Variants in SBF2 observed in about 807,000 individuals in gnomAD.
SBF2 encodes the protein myotubularin-related protein 13.
A neutral mutation model predicts 225.2 loss-of-function variants in SBF2; 112 were observed. That is an observed-to-expected ratio of 0.50 (90% CI 0.43 to 0.58). The LOEUF (loss-of-function observed/expected upper bound fraction) is 0.58, where lower values mean the gene tolerates loss of function less well. SBF2 is among the 20% of genes least tolerant of loss of function. The pLI, the probability that SBF2 is intolerant of heterozygous loss-of-function variation, is 0.00. For synonymous variants in SBF2, 763 were observed against 773.3 expected (o/e 0.99, Z 0.22); for missense variants, 1,996 against 2,206.2 (o/e 0.90, Z 1.91).
intron 2 of SBF2, among the ~76,000 whole-genome samples, chr11:10,048,824 G>A (rs1949964903): frequency 6.6e-6 from 1 of 152,118 alleles, no homozygotes; most frequent in Admixed American, 6.5e-5. Context: ...AATGACCAGT[G>A]CATGATATTA....
At chr11:9,798,712 C>T (rs61876892) in intron 32 of SBF2, among the ~76,000 whole-genome samples, 22,009 of 152,066 alleles carry the variant, frequency 0.14, 2,112 homozygotes, top group Non-Finnish European at 0.21. Context: ...TTTGGGAGGC[C>T]GAGGCGGGTG....
intron 16 of SBF2, among the ~76,000 whole-genome samples, chr11:9,909,669 CAA>C (rs10595029): frequency 0.36 from 43,861 of 123,284 alleles, 7,624 homozygotes; most frequent in African/African-American, 0.53. Context: ...GACTCTGTCT[CAA>C]AAAAAAAAAA....
At chr11:10,122,160 ATCT>A (rs1292951281) in intron 2 of SBF2, among the ~76,000 whole-genome samples, 1 of 152,204 alleles carries the variant, frequency 6.6e-6, no homozygotes, top group Non-Finnish European at 1.5e-5. Flanking sequence ...GTAGGAATAA[ATCT>A]TCTACCCATG....
At chr11:9,969,726 A>G (rs1392677272) in intron 13 of SBF2, among the ~76,000 whole-genome samples, 2 of 152,194 alleles carry the variant, frequency 1.3e-5, no homozygotes, top group African/African-American at 4.8e-5. Flanking sequence ...TATCCCTGTT[A>G]TATTTTTCTC....
At chr11:10,136,780 C>G (rs934318805) in intron 2 of SBF2, among the ~76,000 whole-genome samples, 1 of 152,210 alleles carries the variant, frequency 6.6e-6, no homozygotes, top group African/African-American at 2.4e-5. Flanking sequence ...AACACCCATG[C>G]ATTTGATATA....
chr11:10,219,285 C>T (rs922335444), intron 1 of SBF2, among the ~76,000 whole-genome samples: 9 of 152,240 alleles, frequency 5.9e-5, no homozygotes, highest in African/African-American at 2.2e-4. Context: ...AGGCTTGAGG[C>T]TTGCACCCTC....
intron 14 of SBF2, 143 bp downstream of exon 14, chr11:9,968,198 G>T: frequency 1.4e-6 from 1 of 737,328 alleles, no homozygotes; most frequent in Non-Finnish European, 2.3e-6. Context: ...GAATGAAACA[G>T]TTTCTGAGTA....
intron 1 of SBF2, among the ~76,000 whole-genome samples, chr11:10,262,321 T>C (rs181362458): frequency 5.9e-5 from 9 of 152,338 alleles, no homozygotes; most frequent in African/African-American, 1.4e-4. Context: ...GCGTTTGGTA[T>C]AAATTCTTTC....
intron 16 of SBF2, among the ~76,000 whole-genome samples, chr11:9,935,559 C>T (rs1353764650): frequency 2.0e-5 from 3 of 152,172 alleles, no homozygotes; most frequent in Admixed American, 1.3e-4. Flanking sequence ...TCAAACTATA[C>T]TACAAGGCTA....
chr11:10,025,375 C>T (rs1445946480), intron 6 of SBF2, among the ~76,000 whole-genome samples: 1 of 151,712 alleles, frequency 6.6e-6, no homozygotes, highest in African/African-American at 2.4e-5. Flanking sequence ...ATTATGAGAG[C>T]TTTATATAAA....
intron 28 of SBF2, among the ~76,000 whole-genome samples, chr11:9,818,812 C>T (rs1207049607): frequency 6.6e-6 from 1 of 152,170 alleles, no homozygotes; most frequent in Non-Finnish European, 1.5e-5. Flanking sequence ...GCCTCTGCCT[C>T]CTGGGTTCAA....
intron 17 of SBF2, among the ~76,000 whole-genome samples, chr11:9,870,054 CCAA>C (rs1245941420): frequency 6.6e-6 from 1 of 152,040 alleles, no homozygotes; most frequent in African/African-American, 2.4e-5. Context: ...TTCCTATATA[CCAA>C]CAACAGGCAA....
chr11:9,850,223 C>T lies in SBF2; in HGVS notation c.2611-5G>A. 1 of 1,612,326 alleles carries T rather than the reference C, an allele frequency of 6.2e-7. No individual in the cohort carries two copies. The highest frequency in any genetic ancestry group is 8.5e-7 in the Non-Finnish European group (1 of 1,179,604). Reference sequence around the variant, plus strand: ...AGCAGGTCTAAGAATCTTGGGCTTACAACAGAAAAAGATTGATTGATTGAT... The same window carrying T: ...AGCAGGTCTAAGAATCTTGGGCTTATAACAGAAAAAGATTGATTGATTGAT... On this transcript the variant is annotated splice_region_variant and splice_polypyrimidine_tract_variant and intron_variant, in intron 21 of 39. Transcript: ENST00000256190.
chr11:10,300,302 A>G (rs1225639271), intron 1 of SBF2, among the ~76,000 whole-genome samples: 1 of 152,176 alleles, frequency 6.6e-6, no homozygotes, highest in African/African-American at 2.4e-5. Flanking sequence ...TGCTGGGTAT[A>G]TAATATATAA....
At chr11:9,943,202 C>G (rs1865385539) in intron 16 of SBF2, among the ~76,000 whole-genome samples, 1 of 152,138 alleles carries the variant, frequency 6.6e-6, no homozygotes, top group South Asian at 2.1e-4. Flanking sequence ...TTAACTGGAT[C>G]TCTACCTCAC....
intron 2 of SBF2, among the ~76,000 whole-genome samples, chr11:10,072,513 C>A (rs778467849): frequency 2.2e-4 from 33 of 151,240 alleles, no homozygotes; most frequent in Non-Finnish European, 4.0e-4. Context: ...AGTAATAATT[C>A]TTTGATTTTT....
intron 2 of SBF2, among the ~76,000 whole-genome samples, chr11:10,181,098 C>G (rs1956718310): frequency 6.6e-6 from 1 of 152,006 alleles, no homozygotes; most frequent in Non-Finnish European, 1.5e-5. Context: ...CTTTCTAACG[C>G]CACTTAAACC....
At chr11:9,792,567 C>G (rs1053210465) in intron 33 of SBF2, among the ~76,000 whole-genome samples, 3 of 152,078 alleles carry the variant, frequency 2.0e-5, no homozygotes, top group African/African-American at 4.8e-5. Context: ...GGCCTGATAA[C>G]GAGTGCATCT....
chr11:9,931,147 C>T (rs963579488), intron 16 of SBF2, among the ~76,000 whole-genome samples: 1 of 152,278 alleles, frequency 6.6e-6, no homozygotes, highest in Admixed American at 6.5e-5. Context: ...AGGCCTACTG[C>T]CTCTATGGAC....
Sources: allele counts gnomAD v4.1 joint callset (sites outside exome capture counted in the v4.1 genomes callset), GRCh38; gene constraint gnomAD v4.1.1; transcripts MANE v1.5; gene names NCBI Gene and HGNC (gene_info 2026-07-23, HGNC 2026-07-21).